KIAA2012: variants seen among roughly 807,000 people sequenced by gnomAD.
KIAA2012 encodes uncharacterized protein KIAA2012.
Under a neutral mutation model 150.6 loss-of-function variants are expected in KIAA2012, and 125 were observed. The observed-to-expected ratio is 0.83, with a 90% CI of 0.72 to 0.96. The LOEUF (loss-of-function observed/expected upper bound fraction) is 0.96, where lower values mean the gene tolerates loss of function less well. KIAA2012 is among the 40% of genes least tolerant of loss of function. KIAA2012 has a pLI of 0.00. For synonymous variants in KIAA2012, 462 were observed against 504.7 expected (o/e 0.92, Z 1.13); for missense variants, 1,219 against 1,354.9 (o/e 0.90, Z 1.57).
At chr2:202,178,010 C>A (rs1692032852) in intron 15 of KIAA2012, among the ~76,000 whole-genome samples, 1 of 152,188 alleles carries the variant, frequency 6.6e-6, no homozygotes, top group Admixed American at 6.5e-5. Context: ...ACCAGCCTGG[C>A]CAACATGGTG....
intron 12 of KIAA2012, chr2:202,138,218 G>T: frequency 2.2e-6 from 1 of 458,224 alleles, no homozygotes; most frequent in Non-Finnish European, 3.9e-6. Flanking sequence ...TGAATATAAG[G>T]TCTTAACACT....
chr2:202,202,464 A>T lies in KIAA2012; in HGVS notation c.3443A>T (p.Tyr1148Phe), dbSNP rs1692549749. ...GCTTTGGAGAAACATTTTCATTTCTATCAAGAACTCCATAAGGAAGCCAGT... is the reference window on the plus strand; with the variant it reads ...GCTTTGGAGAAACATTTTCATTTCTTTCAAGAACTCCATAAGGAAGCCAGT... ...KAALEKHFHF[Y>F]QELHKEASGL... Residue 1148 changes from tyrosine to phenylalanine, a missense_variant, in exon 23 of 24, where the codon TAT (tyrosine) becomes TTT (phenylalanine). Tyr to Phe is a conservative substitution (Grantham distance 22). Coordinates refer to ENST00000498697, the MANE Select transcript of KIAA2012 (RefSeq NM_001277372.4). The T allele has an allele frequency of 2.5e-6, 1 of 399,646 alleles. No homozygotes were observed. 24.8% of individuals were successfully genotyped at this position (399,646 alleles called of 1,614,324 possible).
intron 15 of KIAA2012, chr2:202,179,997 C>T (rs1692085606): frequency 8.5e-6 from 5 of 586,710 alleles, no homozygotes; most frequent in Non-Finnish European, 1.6e-5. Flanking sequence ...GCCGGGTGGG[C>T]GCGGTGGCTC....
At position 202,118,612 on chromosome 2, in the gene KIAA2012, G is replaced by T. The variant is rs183351333; in HGVS notation, c.1762+5166G>T. On this transcript the variant is annotated intron_variant, in intron 11 of 23. Coordinates refer to ENST00000498697, the MANE Select transcript of KIAA2012 (RefSeq NM_001277372.4). ...ATTTGGGCAGTTTCTGTTCTGGGCT[G>T]AACCCTGACTAAAAAGCTCTCCTTA... is the stretch of plus-strand genomic sequence containing the variant. Among the ~76,000 whole-genome samples the T allele has an allele frequency of 2.3e-3, 347 of 152,272 alleles. 1 individual carries two copies. The highest frequency in any genetic ancestry group is 4.0e-3 in the Non-Finnish European group (269 of 68,018).
chr2:202,109,626 A>G lies in KIAA2012; in HGVS notation c.1488A>G (p.Pro496=). ...TTGTTTTTAAAGATGATGATGCCCC[A>G]CCTCACGATGTGGCCCCACCATTGG... ...DTLSPQDDDA[P]PHDVAPPLDL... Residue 496 remains proline (P), a synonymous_variant, in exon 10 of 24, where the codon CCA becomes CCG. Transcript: ENST00000498697. 5.2e-6 allele frequency: 8 copies of G among 1,532,148 alleles called. No individual in the cohort carries two copies. The highest frequency in any genetic ancestry group is 7.0e-6 in the Non-Finnish European group (8 of 1,141,462). 94.9% of individuals were successfully genotyped at this position (1,532,148 alleles called of 1,614,324 possible).
intron 12 of KIAA2012, among the ~76,000 whole-genome samples, chr2:202,127,450 G>A (rs1407025247): frequency 6.6e-6 from 1 of 152,194 alleles, no homozygotes; most frequent in Non-Finnish European, 1.5e-5. Flanking sequence ...ACAAAGGTGA[G>A]TAATTTGGAA....
chr2:202,183,533 G>A (rs1290816866), intron 15 of KIAA2012, among the ~76,000 whole-genome samples: 2 of 136,438 alleles, frequency 1.5e-5, no homozygotes, highest in African/African-American at 5.6e-5. Context: ...TGCTCCACTG[G>A]TGTGCAGTGG....
At chr2:202,200,238 A>G (rs1174943937) in intron 22 of KIAA2012, among the ~76,000 whole-genome samples, 9 of 151,902 alleles carry the variant, frequency 5.9e-5, no homozygotes, top group Non-Finnish European at 1.0e-4. Context: ...GCCACCTCTC[A>G]TATTTTAAAC....
intron 15 of KIAA2012, among the ~76,000 whole-genome samples, chr2:202,181,557 G>A (rs1180134083): frequency 6.6e-6 from 1 of 151,746 alleles, no homozygotes; most frequent in African/African-American, 2.4e-5. Flanking sequence ...ACTCCACCCT[G>A]AGCAACAGAG....
chr2:202,109,844 G>A (rs1275147622), intron 10 of KIAA2012, 55 bp downstream of exon 10: 4 of 1,441,408 alleles, frequency 2.8e-6, no homozygotes, highest in Non-Finnish European at 3.7e-6. Flanking sequence ...GTGGCTCATT[G>A]CCAGGGCCGC....
At chr2:202,188,357 A>G (rs1692269536) in intron 18 of KIAA2012, 91 bp downstream of exon 18, 2 of 1,003,472 alleles carry the variant, frequency 2.0e-6, no homozygotes, top group Non-Finnish European at 2.9e-6. Flanking sequence ...ATCCTACCGG[A>G]CAAACTCTCT....
chr2:202,108,123 G>A (rs898335583), intron 9 of KIAA2012, among the ~76,000 whole-genome samples: 2 of 152,146 alleles, frequency 1.3e-5, no homozygotes, highest in Non-Finnish European at 2.9e-5. Flanking sequence ...CCATTGCCAC[G>A]GAGGCGACAC....
chr2:202,120,855 A>C (rs1463841512), intron 11 of KIAA2012, among the ~76,000 whole-genome samples: 1 of 152,034 alleles, frequency 6.6e-6, no homozygotes, highest in Non-Finnish European at 1.5e-5. Context: ...TATTGACTGA[A>C]TAATATTTAT....
At chr2:202,105,157 G>A (rs916180315) in intron 8 of KIAA2012, among the ~76,000 whole-genome samples, 1 of 150,414 alleles carries the variant, frequency 6.6e-6, no homozygotes, top group African/African-American at 2.5e-5. Flanking sequence ...ATGGAAGGAA[G>A]GGAGACACAG....
At chr2:202,199,954 C>T (rs1312876077) in intron 22 of KIAA2012, among the ~76,000 whole-genome samples, 2 of 77,308 alleles carry the variant, frequency 2.6e-5, no homozygotes, top group Non-Finnish European at 4.4e-5. Context: ...TTTTTTGAGA[C>T]GGAGTCTCAC....
At chr2:202,155,459 G>A (rs1417086659) in intron 14 of KIAA2012, among the ~76,000 whole-genome samples, 1 of 152,084 alleles carries the variant, frequency 6.6e-6, no homozygotes, top group African/African-American at 2.4e-5. Context: ...ACACTCTCTG[G>A]TTTAGGGCCC....
chr2:202,136,991 T>G (rs1350379816), intron 12 of KIAA2012: 1 of 152,214 alleles, frequency 6.6e-6, no homozygotes, highest in African/African-American at 2.4e-5. Flanking sequence ...TAGCTGGGAT[T>G]ACAGGCACGC....
intron 10 of KIAA2012, among the ~76,000 whole-genome samples, chr2:202,110,667 G>A (rs1301762931): frequency 6.6e-6 from 1 of 152,138 alleles, no homozygotes; most frequent in East Asian, 1.9e-4. Flanking sequence ...CACTTTGAGA[G>A]GCATGTGGGA....
At chr2:202,189,921 G>A (rs943546317) in intron 18 of KIAA2012, among the ~76,000 whole-genome samples, 1 of 151,944 alleles carries the variant, frequency 6.6e-6, no homozygotes, top group Non-Finnish European at 1.5e-5. Flanking sequence ...GCAAAACCCT[G>A]TTTCTACAAA....
Sources: gnomAD v4.1 joint callset for allele counts (sites outside exome capture counted in the v4.1 genomes callset) on GRCh38, gnomAD v4.1.1 for gene constraint, MANE v1.5 for transcripts, NCBI Gene and HGNC (gene_info 2026-07-23, HGNC 2026-07-21) for gene names.